The following RALYL variants were observed in gnomAD, a reference collection of about 807,000 sequenced individuals.
RALYL encodes the protein RALY RNA binding protein like.
RALYL carries 29 observed loss-of-function variants against 35.1 expected under a neutral mutation model. That is an observed-to-expected ratio of 0.83 (90% CI 0.61 to 1.13). RALYL has a LOEUF of 1.13. Among genes scored for constraint, RALYL ranks in the 50% most tolerant of loss-of-function variants. RALYL has a pLI of 0.00. For missense variants in RALYL, 359 were observed against 360.4 expected (o/e 1.00, Z 0.03); for synonymous variants, 120 against 127.6 (o/e 0.94, Z 0.40).
At chr8:84,819,087 G>C (rs1827953154) in intron 4 of RALYL, among the ~76,000 whole-genome samples, 1 of 152,104 alleles carries the variant, frequency 6.6e-6, no homozygotes, top group South Asian at 2.1e-4. Context: ...GGGAAAAAGG[G>C]ATAAGGAGAC....
Position 84,850,170 on chromosome 8 carries a change from A to T in RALYL, c.413+143A>T, listed in dbSNP as rs1348305504. 7 of 449,572 alleles carry T rather than the reference A, an allele frequency of 1.6e-5. No individual in the cohort carries two copies. In the Admixed American group the frequency reaches 3.1e-4, roughly 20 times the overall value. 27.8% of individuals were successfully genotyped at this position (449,572 alleles called of 1,614,324 possible). On this transcript the variant is annotated intron_variant, in intron 5 of 8. Coordinates refer to ENST00000521268, the MANE Select transcript of RALYL (RefSeq NM_173848.7). ...AAATAAAATACTAAATCCCAACAAA[A>T]TATACAGATTTTTATATTTTCATTA...
intron 2 of RALYL, among the ~76,000 whole-genome samples, chr8:84,686,905 G>A (rs1836927492): frequency 6.6e-6 from 1 of 151,876 alleles, no homozygotes; most frequent in African/African-American, 2.4e-5. Context: ...CTAATAACAT[G>A]GCAACATTGT....
intron 8 of RALYL, among the ~76,000 whole-genome samples, chr8:84,890,759 A>T (rs1843689866): frequency 6.6e-6 from 1 of 152,058 alleles, no homozygotes; most frequent in Non-Finnish European, 1.5e-5. Flanking sequence ...GGAAGCATGA[A>T]GAAAGCAAAC....
intron 2 of RALYL, among the ~76,000 whole-genome samples, chr8:84,623,459 A>G (rs1210687678): frequency 6.6e-6 from 1 of 150,498 alleles, no homozygotes; most frequent in Non-Finnish European, 1.5e-5. Flanking sequence ...AAAATATTTT[A>G]CCCCTTAGGT....
At chr8:84,248,379 C>G (rs1829539268) in intron 1 of RALYL, among the ~76,000 whole-genome samples, 1 of 152,108 alleles carries the variant, frequency 6.6e-6, no homozygotes, top group South Asian at 2.1e-4. Flanking sequence ...GATAGGCAAA[C>G]AATGCCGTGT....
At chr8:84,428,525 G>A (rs1175051910) in intron 1 of RALYL, among the ~76,000 whole-genome samples, 1 of 152,114 alleles carries the variant, frequency 6.6e-6, no homozygotes, top group Non-Finnish European at 1.5e-5. Flanking sequence ...TGATGTAAAT[G>A]GATGTAGTCA....
At chr8:84,618,481 T>C (rs1310988001) in intron 2 of RALYL, among the ~76,000 whole-genome samples, 1 of 147,858 alleles carries the variant, frequency 6.8e-6, no homozygotes, top group Non-Finnish European at 1.5e-5. Flanking sequence ...GATTCTTCTC[T>C]CTTTTTTTCT....
At chr8:84,370,292 G>T (rs1855418194) in intron 1 of RALYL, among the ~76,000 whole-genome samples, 1 of 152,052 alleles carries the variant, frequency 6.6e-6, no homozygotes, top group Non-Finnish European at 1.5e-5. Context: ...TAAAAATTTG[G>T]ATAGGAAGAC....
chr8:84,782,407 G>A (rs1172986183), intron 3 of RALYL, among the ~76,000 whole-genome samples: 1 of 152,210 alleles, frequency 6.6e-6, no homozygotes, highest in Non-Finnish European at 1.5e-5. Flanking sequence ...CTTTGAGGTA[G>A]GGAGAAGTGG....
chr8:84,275,016 T>G lies in RALYL; in HGVS notation c.-24+90592T>G, dbSNP rs1179982237. On this transcript the variant is annotated intron_variant, in intron 1 of 8. Coordinates refer to ENST00000521268, the MANE Select transcript of RALYL (RefSeq NM_173848.7). ...TACTGTGACTGACCATATTTGCATC[T>G]GGTGTTCCTCTTGTACCAATCAACT... 2.6e-5 allele frequency among the ~76,000 whole-genome samples: 4 copies of G among 152,218 alleles called. No individual in the cohort carries two copies. In the East Asian group the frequency reaches 7.7e-4, roughly 29 times the overall value.
intron 1 of RALYL, among the ~76,000 whole-genome samples, chr8:84,409,460 T>C (rs1432371470): frequency 6.6e-6 from 1 of 152,060 alleles, no homozygotes; most frequent in African/African-American, 2.4e-5. Context: ...GGACAAATAA[T>C]TATTCTGTTG....
chr8:84,561,027 C>A (rs1292621345), intron 2 of RALYL, among the ~76,000 whole-genome samples: 1 of 151,996 alleles, frequency 6.6e-6, no homozygotes, highest in Non-Finnish European at 1.5e-5. Context: ...TTTTCAGAAG[C>A]TCCTTCCTGT....
intron 2 of RALYL, among the ~76,000 whole-genome samples, chr8:84,715,124 A>G (rs371285042): frequency 2.0e-5 from 3 of 151,938 alleles, no homozygotes; most frequent in Admixed American, 2.0e-4. Context: ...TACATATTTT[A>G]TCATTAAAAC....
chr8:84,819,626 A>C (rs374712586), intron 4 of RALYL, among the ~76,000 whole-genome samples: 1 of 152,204 alleles, frequency 6.6e-6, no homozygotes, highest in African/African-American at 2.4e-5. Context: ...TACAATTAAA[A>C]AAATGTCTTA....
At chr8:84,223,081 G>T (rs7000172) in intron 1 of RALYL, among the ~76,000 whole-genome samples, 4,757 of 53,226 alleles carry the variant, frequency 0.089, 574 homozygotes, top group South Asian at 0.15. Flanking sequence ...CCTTTGCCCT[G>T]CCTTTCCTTT....
At chr8:84,703,293 G>A (rs1360067091) in intron 2 of RALYL, among the ~76,000 whole-genome samples, 1 of 152,086 alleles carries the variant, frequency 6.6e-6, no homozygotes, top group African/African-American at 2.4e-5. Context: ...GCACTGAGGC[G>A]AGAAAAGTAA....
At chr8:84,365,490 T>G (rs1259386652) in intron 1 of RALYL, among the ~76,000 whole-genome samples, 1 of 152,168 alleles carries the variant, frequency 6.6e-6, no homozygotes, top group East Asian at 1.9e-4. Context: ...TGTTCGTAAT[T>G]ATAACTCAAT....
At chr8:84,394,581 C>G (rs544136120) in intron 1 of RALYL, among the ~76,000 whole-genome samples, 1 of 151,786 alleles carries the variant, frequency 6.6e-6, no homozygotes, top group Admixed American at 6.6e-5. Context: ...TCTATTATTG[C>G]TTAGGCACAT....
chr8:84,228,080 C>T (rs1824379248), intron 1 of RALYL, among the ~76,000 whole-genome samples: 1 of 151,182 alleles, frequency 6.6e-6, no homozygotes, highest in Admixed American at 6.6e-5. Flanking sequence ...GAGATACTCC[C>T]CTATTCTTAA....
Sources: allele counts gnomAD v4.1 joint callset (sites outside exome capture counted in the v4.1 genomes callset), GRCh38; gene constraint gnomAD v4.1.1; transcripts MANE v1.5; gene names NCBI Gene and HGNC (gene_info 2026-07-23, HGNC 2026-07-21).